SEMA3A: variants seen among roughly 807,000 people sequenced by gnomAD.
SEMA3A encodes semaphorin 3A.
Under a neutral mutation model 97.9 loss-of-function variants are expected in SEMA3A, and 29 were observed. The ratio of observed to expected loss-of-function variants is 0.30; its 90% confidence interval spans 0.22 to 0.40. SEMA3A has a LOEUF of 0.40. Ranked by LOEUF, SEMA3A falls within the 10% of genes least tolerant of loss-of-function variation. The probability of loss-of-function intolerance (pLI) is 1.00; values close to 1 mark genes in which losing one functional copy is unlikely to be tolerated. For missense variants in SEMA3A, 763 were observed against 951.3 expected, an observed-to-expected ratio of 0.80 and a Z score of 2.60; for synonymous variants, 321 against 323.7, an observed-to-expected ratio of 0.99 and a Z score of 0.09.
chr7:84,271,187 T>C (rs1800143737), intron 3 of SEMA3A, among the ~76,000 whole-genome samples: 1 of 152,092 alleles, frequency 6.6e-6, no homozygotes, highest in African/African-American at 2.4e-5. Context: ...GTGTACTCAT[T>C]TTAATGTTCG....
intron 1 of SEMA3A, among the ~76,000 whole-genome samples, chr7:84,404,140 CTT>C (rs1297479930): frequency 6.6e-6 from 1 of 151,950 alleles, no homozygotes; most frequent in Non-Finnish European, 1.5e-5. Context: ...AAGTTAAAAA[CTT>C]TGAAAAAAAA....
At chr7:84,173,172 G>A (rs1797445912) in intron 1 of SEMA3A, among the ~76,000 whole-genome samples, 2 of 152,098 alleles carry the variant, frequency 1.3e-5, no homozygotes, top group South Asian at 4.1e-4. Flanking sequence ...TTTCTCTCTT[G>A]TGGGCCTGTC....
intron 3 of SEMA3A, among the ~76,000 whole-genome samples, chr7:84,269,058 A>T (rs1800079979): frequency 6.6e-6 from 1 of 152,014 alleles, no homozygotes; most frequent in Non-Finnish European, 1.5e-5. Context: ...CTTTTTAATC[A>T]TTCTCTCTCA....
chr7:84,250,923 C>T (rs952034942), intron 3 of SEMA3A, among the ~76,000 whole-genome samples: 1 of 152,060 alleles, frequency 6.6e-6, no homozygotes, highest in African/African-American at 2.4e-5. Context: ...GTTTTCTATT[C>T]AATTTGACAA....
At chr7:83,996,374 C>T (rs1229140462) in intron 12 of SEMA3A, among the ~76,000 whole-genome samples, 1 of 149,334 alleles carries the variant, frequency 6.7e-6, no homozygotes, top group African/African-American at 2.5e-5. Context: ...GTGATCTCAG[C>T]CCACTGAAAC....
intron 13 of SEMA3A, 66 bp downstream of exon 13, chr7:83,985,370 A>G: frequency 9.2e-7 from 1 of 1,083,894 alleles, no homozygotes; most frequent in Non-Finnish European, 1.4e-6. Context: ...ATAAATAGAT[A>G]TATCTATTGA....
intron 11 of SEMA3A, among the ~76,000 whole-genome samples, chr7:84,004,173 G>C (rs1219643622): frequency 6.6e-6 from 1 of 151,974 alleles, no homozygotes; most frequent in Non-Finnish European, 1.5e-5. Context: ...ATGGAGACTA[G>C]AAATTTATTA....
intron 1 of SEMA3A, among the ~76,000 whole-genome samples, chr7:84,189,110 T>A (rs1427029300): frequency 6.6e-6 from 1 of 151,822 alleles, no homozygotes; most frequent in East Asian, 1.9e-4. Context: ...GTAAAAGTCA[T>A]CCCAAGAATC....
intron 12 of SEMA3A, among the ~76,000 whole-genome samples, chr7:83,996,612 T>C (rs370995937): frequency 1.6e-4 from 24 of 152,270 alleles, no homozygotes; most frequent in Middle Eastern, 3.4e-3. Context: ...TTACTAGTAA[T>C]CTTAATTTTA....
At chr7:83,974,864 T>C (rs1459913202) in intron 15 of SEMA3A, among the ~76,000 whole-genome samples, 1 of 152,118 alleles carries the variant, frequency 6.6e-6, no homozygotes, top group East Asian at 1.9e-4. Flanking sequence ...CCCTTTCCTC[T>C]CAGATATCAC....
chr7:84,476,323 C>T (rs1370748878), intron 1 of SEMA3A, among the ~76,000 whole-genome samples: 1 of 149,730 alleles, frequency 6.7e-6, no homozygotes, highest in Non-Finnish European at 1.5e-5. Context: ...CGCACCACTG[C>T]ACTCCAGCCT....
chr7:83,974,162 T>A (rs1345423858), intron 15 of SEMA3A, among the ~76,000 whole-genome samples: 1 of 152,096 alleles, frequency 6.6e-6, no homozygotes, highest in Non-Finnish European at 1.5e-5. Context: ...TATATTAAGA[T>A]TTGATACTAA....
intron 4 of SEMA3A, among the ~76,000 whole-genome samples, chr7:84,103,481 C>A (rs1324320464): frequency 2.6e-5 from 4 of 151,998 alleles, no homozygotes; most frequent in African/African-American, 9.7e-5. Context: ...ACATTAATAT[C>A]AGAATAAATC....
intron 3 of SEMA3A, among the ~76,000 whole-genome samples, chr7:84,220,413 C>T (rs1376943915): frequency 1.1e-4 from 16 of 152,084 alleles, no homozygotes; most frequent in Non-Finnish European, 1.8e-4. Context: ...ATATTTTGAC[C>T]TCACCCCATG....
At chr7:84,294,328 A>G (rs1413102116) in intron 3 of SEMA3A, among the ~76,000 whole-genome samples, 1 of 152,002 alleles carries the variant, frequency 6.6e-6, no homozygotes, top group Non-Finnish European at 1.5e-5. Flanking sequence ...AAGGAAGGAA[A>G]ACTATCTCAT....
intron 3 of SEMA3A, among the ~76,000 whole-genome samples, chr7:84,248,699 T>C (rs921199945): frequency 1.3e-5 from 2 of 152,138 alleles, no homozygotes; most frequent in South Asian, 2.1e-4. Context: ...GCATATCTCC[T>C]AAAACAACTC....
chr7:84,403,266 G>C (rs888120605), intron 1 of SEMA3A, among the ~76,000 whole-genome samples: 4 of 152,198 alleles, frequency 2.6e-5, no homozygotes, highest in African/African-American at 9.6e-5. Context: ...ACATGGCTCA[G>C]AGGGTCCTAC....
At chr7:83,999,287 A>ACTTAAAATCCTTATTAAT (rs1790342509) in intron 12 of SEMA3A, among the ~76,000 whole-genome samples, 1 of 152,130 alleles carries the variant, frequency 6.6e-6, no homozygotes, top group East Asian at 1.9e-4. Flanking sequence ...CATCTTTTTA[A>ACTTAAAATCCTTATTAAT]GTTAAAATCC....
In SEMA3A at chr7:83,956,185, T is replaced by G. The variant is rs1404180825; in HGVS notation, c.*5186A>C. Reference sequence around the variant, plus strand: ...CCATCTAAGGTATGCCTTGAACAAATGCAGACTTCACATTTTAATGCTATC... The same window carrying G: ...CCATCTAAGGTATGCCTTGAACAAAGGCAGACTTCACATTTTAATGCTATC... On this transcript the variant is annotated 3_prime_UTR_variant, in exon 17 of 17. Transcript: ENST00000265362. 6.6e-6 allele frequency: 1 copy of G among 152,148 alleles called. No individual in the cohort carries two copies. The highest frequency in any genetic ancestry group is 1.5e-5 in the Non-Finnish European group (1 of 68,002). The allele number at this position is 152,148 out of a possible 1,614,324, so 9.4% of individuals were successfully genotyped here. A position where few individuals can be genotyped will look rare whatever the true frequency, so the allele number is the denominator to read the frequency against.
Sources: gnomAD v4.1 joint callset for allele counts (sites outside exome capture counted in the v4.1 genomes callset) on GRCh38, gnomAD v4.1.1 for gene constraint, MANE v1.5 for transcripts, NCBI Gene and HGNC (gene_info 2026-07-23, HGNC 2026-07-21) for gene names.